The following CYP19A1 variants were observed in gnomAD, a reference collection of about 807,000 sequenced individuals.
CYP19A1 encodes aromatase.
In CYP19A1, 32 loss-of-function variants were observed where a neutral mutation model predicts 44.4. The ratio of observed to expected loss-of-function variants is 0.72; its 90% CI spans 0.54 to 0.97. The LOEUF (loss-of-function observed/expected upper bound fraction) is 0.97, where lower values mean the gene tolerates loss of function less well. Ranked by LOEUF, CYP19A1 falls within the 50% of genes least tolerant of loss-of-function variation. CYP19A1 has a pLI of 0.00. For synonymous variants in CYP19A1, 212 were observed against 215.6 expected (o/e 0.98, Z 0.14); for missense variants, 598 against 637.8 (o/e 0.94, Z 0.67).
intron 1 of CYP19A1, among the ~76,000 whole-genome samples, chr15:51,316,880 C>T (rs1190918254): frequency 6.6e-6 from 1 of 152,204 alleles, no homozygotes; most frequent in Non-Finnish European, 1.5e-5. Flanking sequence ...TAGGAAGCCT[C>T]CCTTAAGGAA....
At chr15:51,230,779 CGGCTAATTTTTT>C (rs2032967731) in intron 3 of CYP19A1, among the ~76,000 whole-genome samples, 1 of 152,000 alleles carries the variant, frequency 6.6e-6, no homozygotes, top group African/African-American at 2.4e-5. Context: ...CCACCACACC[CGGCTAATTTTTT>C]GTGCATTTTT....
chr15:51,267,703 T>C (rs544999048), intron 1 of CYP19A1, among the ~76,000 whole-genome samples: 1 of 152,304 alleles, frequency 6.6e-6, no homozygotes, highest in African/African-American at 2.4e-5. Context: ...ATACACGAAT[T>C]TGAAGGAAAA....
chr15:51,283,476 A>G (rs1213528865), intron 1 of CYP19A1, among the ~76,000 whole-genome samples: 6 of 152,210 alleles, frequency 3.9e-5, no homozygotes, highest in Non-Finnish European at 8.8e-5. Flanking sequence ...GAATTCAAGC[A>G]AGCCATTACT....
chr15:51,253,294 AAAT>A (rs2034394317), intron 1 of CYP19A1, among the ~76,000 whole-genome samples: 1 of 152,226 alleles, frequency 6.6e-6, no homozygotes, highest in African/African-American at 2.4e-5. Context: ...GCAAGAGCAG[AAAT>A]AATAATGGAC....
At chr15:51,264,603 G>GA (rs1304063398) in intron 1 of CYP19A1, among the ~76,000 whole-genome samples, 1 of 151,988 alleles carries the variant, frequency 6.6e-6, no homozygotes, top group Non-Finnish European at 1.5e-5. Flanking sequence ...AGGGCAGAAG[G>GA]AAAAAATGGA....
intron 1 of CYP19A1, among the ~76,000 whole-genome samples, chr15:51,275,003 G>C (rs2035255070): frequency 6.6e-6 from 1 of 152,084 alleles, no homozygotes; most frequent in South Asian, 2.1e-4. Context: ...ACCTTAACTT[G>C]GTGACATGTC....
chr15:51,237,137 C>A, intron 2 of CYP19A1, 128 bp from the exon 3 acceptor site: 2 of 1,060,544 alleles, frequency 1.9e-6, no homozygotes, highest in Non-Finnish European at 2.8e-6. Flanking sequence ...CTGTGAATCA[C>A]GAATAAAGTG....
intron 2 of CYP19A1, among the ~76,000 whole-genome samples, chr15:51,241,203 G>A (rs2141118969): frequency 6.6e-6 from 1 of 152,296 alleles, no homozygotes; most frequent in South Asian, 2.1e-4. Context: ...TCTCAGGCTT[G>A]TCCTAACAGG....
intron 1 of CYP19A1, among the ~76,000 whole-genome samples, chr15:51,279,633 T>A (rs574927998): frequency 1.6e-4 from 25 of 152,328 alleles, no homozygotes; most frequent in Admixed American, 1.4e-3. Context: ...CGATGACATA[T>A]ACATTTCCCT....
At chr15:51,333,369 T>C (rs1196846533) in intron 1 of CYP19A1, among the ~76,000 whole-genome samples, 2 of 152,118 alleles carry the variant, frequency 1.3e-5, no homozygotes, top group Admixed American at 1.3e-4. Flanking sequence ...GGAGTAGAGA[T>C]AGACTCAGCA....
intron 3 of CYP19A1, among the ~76,000 whole-genome samples, chr15:51,233,986 A>G (rs1209805909): frequency 6.6e-6 from 1 of 152,224 alleles, no homozygotes; most frequent in African/African-American, 2.4e-5. Flanking sequence ...GAAGTTCTGC[A>G]GCCCCTACTA....
chr15:51,232,542 G>A (rs1171725857), intron 3 of CYP19A1, among the ~76,000 whole-genome samples: 1 of 152,054 alleles, frequency 6.6e-6, no homozygotes, highest in Non-Finnish European at 1.5e-5. Flanking sequence ...AACATGTCTG[G>A]AATGGAACCC....
At chr15:51,222,146 A>G (rs1397566482) in intron 5 of CYP19A1, 1 of 863,994 alleles carries the variant, frequency 1.2e-6, no homozygotes, top group Non-Finnish European at 1.7e-6. Context: ...AGGCTAGTAG[A>G]TGCTGGCCCC....
At chr15:51,260,656 G>A (rs1019010798) in intron 1 of CYP19A1, among the ~76,000 whole-genome samples, 7 of 152,178 alleles carry the variant, frequency 4.6e-5, no homozygotes, top group Non-Finnish European at 8.8e-5. Flanking sequence ...GAAGGTGACC[G>A]CACCTACCTT....
At chr15:51,259,832 A>G (rs2034648268) in intron 1 of CYP19A1, among the ~76,000 whole-genome samples, 2 of 152,232 alleles carry the variant, frequency 1.3e-5, no homozygotes, top group African/African-American at 2.4e-5. Context: ...AAATTGCCCC[A>G]AATTACATTT....
chr15:51,244,404 A>C (rs1052354574), intron 1 of CYP19A1, among the ~76,000 whole-genome samples: 2 of 152,136 alleles, frequency 1.3e-5, no homozygotes, highest in East Asian at 3.8e-4. Context: ...ATGCACTGGA[A>C]AGGTCCTTTG....
At chr15:51,292,500 C>T (rs1018554862) in intron 1 of CYP19A1, among the ~76,000 whole-genome samples, 8 of 152,250 alleles carry the variant, frequency 5.3e-5, no homozygotes, top group Non-Finnish European at 8.8e-5. Context: ...TCAGCATTTT[C>T]GCAAACTGGC....
chr15:51,258,735 C>A (rs1423784223), intron 1 of CYP19A1, among the ~76,000 whole-genome samples: 1 of 152,104 alleles, frequency 6.6e-6, no homozygotes, highest in Non-Finnish European at 1.5e-5. Context: ...GTACCTATTG[C>A]CTGAAATTCT....
intron 1 of CYP19A1, among the ~76,000 whole-genome samples, chr15:51,302,281 T>C (rs1461522479): frequency 2.6e-5 from 4 of 152,232 alleles, no homozygotes; most frequent in African/African-American, 9.6e-5. Context: ...GGTTTTTCCA[T>C]CTGCCATTCT....
Sources: gnomAD v4.1 joint callset for allele counts (sites outside exome capture counted in the v4.1 genomes callset) on GRCh38, gnomAD v4.1.1 for gene constraint, MANE v1.5 for transcripts, NCBI Gene and HGNC (gene_info 2026-07-23, HGNC 2026-07-21) for gene names.